ANO4: variants seen among roughly 807,000 people sequenced by gnomAD.
ANO4 encodes anoctamin-4.
ANO4 carries 69 observed loss-of-function variants against 141.9 expected under a neutral mutation model. The ratio of observed to expected loss-of-function variants is 0.49; its 90% CI spans 0.40 to 0.59. ANO4 has a LOEUF of 0.59. ANO4 is among the 20% of genes least tolerant of loss of function. The pLI, the probability that ANO4 is intolerant of heterozygous loss-of-function variation, is 0.00. For missense variants in ANO4, 894 were observed against 1,162.2 expected (o/e 0.77, Z 3.36); for synonymous variants, 350 against 394.3 (o/e 0.89, Z 1.33).
At chr12:101,001,638 G>A (rs1186047499) in intron 8 of ANO4, among the ~76,000 whole-genome samples, 1 of 152,062 alleles carries the variant, frequency 6.6e-6, no homozygotes, top group Non-Finnish European at 1.5e-5. Flanking sequence ...CGGGCTACCT[G>A]GGAGGCTACT....
chr12:101,098,546 C>T (rs1485055595), intron 21 of ANO4, among the ~76,000 whole-genome samples: 2 of 152,156 alleles, frequency 1.3e-5, no homozygotes, highest in African/African-American at 4.8e-5. Flanking sequence ...TCAGCCAGAA[C>T]GATTAGTGGG....
chr12:101,037,061 G>A, intron 9 of ANO4, 34 bp from the exon 10 acceptor site: 2 of 1,602,138 alleles, frequency 1.2e-6, no homozygotes, highest in South Asian at 1.1e-5. Context: ...TTCAAACTCT[G>A]TATTAATTCA....
intron 1 of ANO4, among the ~76,000 whole-genome samples, chr12:100,727,726 A>G (rs545829356): frequency 2.0e-4 from 30 of 151,960 alleles, no homozygotes; most frequent in Non-Finnish European, 3.4e-4. Context: ...CTTTCTCTGT[A>G]TTTTTCCTAT....
intron 11 of ANO4, 53 bp from the exon 12 acceptor site, chr12:101,042,281 G>A: frequency 6.2e-7 from 1 of 1,603,098 alleles, no homozygotes; most frequent in Non-Finnish European, 8.5e-7. Flanking sequence ...GTTTCATAAT[G>A]CTTAACTTTA....
At chr12:100,748,030 C>A (rs1284572627) in intron 3 of ANO4, among the ~76,000 whole-genome samples, 1 of 152,136 alleles carries the variant, frequency 6.6e-6, no homozygotes, top group African/African-American at 2.4e-5. Flanking sequence ...AAGGTCTGAG[C>A]AGAGCATGGT....
At position 100,846,231 on chromosome 12, in the gene ANO4, C is replaced by A. The variant is rs534661235; in HGVS notation, c.-141+51204C>A. 3.3e-5 allele frequency among the ~76,000 whole-genome samples: 5 copies of A among 152,300 alleles called. No individual in the cohort carries two copies. In the East Asian group the frequency reaches 9.6e-4, roughly 29 times the overall value. On this transcript the variant is annotated intron_variant, in intron 1 of 27. Coordinates refer to ENST00000392977, the MANE Select transcript of ANO4 (RefSeq NM_001286615.2). ...GTAAGCTGAAAAACATGAAGATCAT[C>A]CTAGTATATAAAAATCATACTTTCC...
intron 1 of ANO4, among the ~76,000 whole-genome samples, chr12:100,817,706 C>T (rs998628194): frequency 6.6e-6 from 1 of 151,812 alleles, no homozygotes; most frequent in African/African-American, 2.4e-5. Flanking sequence ...GTTAGAAGAC[C>T]TCTTATCCTA....
intron 9 of ANO4, among the ~76,000 whole-genome samples, chr12:101,025,359 ACTCT>A (rs538525483): frequency 9.2e-5 from 14 of 152,268 alleles, no homozygotes; most frequent in African/African-American, 3.1e-4. Flanking sequence ...GACCTGAAAG[ACTCT>A]CTAAGTTGAG....
chr12:100,999,330 G>A (rs2045536474), intron 8 of ANO4, among the ~76,000 whole-genome samples: 1 of 152,144 alleles, frequency 6.6e-6, no homozygotes, highest in African/African-American at 2.4e-5. Flanking sequence ...GCCAGCAACG[G>A]TAGTTGAGTC....
At chr12:101,030,739 A>T (rs1442327443) in intron 9 of ANO4, among the ~76,000 whole-genome samples, 2 of 152,164 alleles carry the variant, frequency 1.3e-5, no homozygotes, top group African/African-American at 4.8e-5. Flanking sequence ...GAAAAGAGAG[A>T]AGAATCCCAT....
chr12:101,005,836 T>C (rs1433558485), intron 8 of ANO4, among the ~76,000 whole-genome samples: 2 of 152,176 alleles, frequency 1.3e-5, no homozygotes, highest in Non-Finnish European at 2.9e-5. Flanking sequence ...TTCCCAATTC[T>C]AGGATATTAC....
intron 3 of ANO4, among the ~76,000 whole-genome samples, chr12:100,769,162 T>C (rs755159286): frequency 6.6e-6 from 1 of 152,222 alleles, no homozygotes; most frequent in Non-Finnish European, 1.5e-5. Flanking sequence ...TTTGAAATCA[T>C]TTTTTGGATT....
intron 3 of ANO4, among the ~76,000 whole-genome samples, chr12:100,768,127 G>T (rs1318052787): frequency 2.6e-5 from 4 of 152,230 alleles, no homozygotes; most frequent in Non-Finnish European, 5.9e-5. Flanking sequence ...GTTTGGCACT[G>T]GCATAGGCCT....
At chr12:100,965,409 C>A (rs145940542) in intron 5 of ANO4, among the ~76,000 whole-genome samples, 103 of 152,218 alleles carry the variant, frequency 6.8e-4, no homozygotes, top group African/African-American at 2.3e-3. Context: ...ATTGAACTTC[C>A]CACTCCTATG....
intron 1 of ANO4, among the ~76,000 whole-genome samples, chr12:100,884,721 A>C (rs1224691429): frequency 6.6e-6 from 1 of 152,028 alleles, no homozygotes; most frequent in African/African-American, 2.4e-5. Context: ...TTGGGATGGA[A>C]TCTCGCTCTA....
At chr12:100,718,319 CAG>C (rs990556553) in intron 1 of ANO4, among the ~76,000 whole-genome samples, 3 of 152,184 alleles carry the variant, frequency 2.0e-5, no homozygotes, top group Non-Finnish European at 4.4e-5. Context: ...AGCCCTTTAT[CAG>C]AAATACTGCT....
chr12:100,979,547 C>T (rs115285285), intron 7 of ANO4, among the ~76,000 whole-genome samples: 12,584 of 151,892 alleles, frequency 0.083, 820 homozygotes, highest in African/African-American at 0.17. Flanking sequence ...AATGAGGGTT[C>T]ACTGCTACTT....
At chr12:100,745,621 A>G (rs745581977) in intron 3 of ANO4, among the ~76,000 whole-genome samples, 23 of 152,340 alleles carry the variant, frequency 1.5e-4, no homozygotes, top group Middle Eastern at 3.4e-3. Flanking sequence ...ACAGAGATAT[A>G]TGAGATACAA....
At chr12:101,029,727 T>C (rs187362337) in intron 9 of ANO4, among the ~76,000 whole-genome samples, 131 of 151,860 alleles carry the variant, frequency 8.6e-4, no homozygotes, top group Non-Finnish European at 1.4e-3. Flanking sequence ...CTGGCCAACA[T>C]GGTGAAACCC....
Sources: allele counts gnomAD v4.1 joint callset (sites outside exome capture counted in the v4.1 genomes callset), GRCh38; gene constraint gnomAD v4.1.1; transcripts MANE v1.5; gene names NCBI Gene and HGNC (gene_info 2026-07-23, HGNC 2026-07-21).